POGLUT3: variants seen among roughly 807,000 people sequenced by gnomAD.
POGLUT3 encodes the protein KDEL (Lys-Asp-Glu-Leu) containing 2.
Under a neutral mutation model 54.3 loss-of-function variants are expected in POGLUT3, and 48 were observed. The observed-to-expected ratio is 0.88, with a 90% CI of 0.70 to 1.12. The LOEUF is 1.12. Among genes scored for constraint, POGLUT3 ranks in the 50% most tolerant of loss-of-function variants. The pLI is 0.00. For synonymous variants in POGLUT3, 218 were observed against 237.4 expected (o/e 0.92, Z 0.75); for missense variants, 629 against 618.7 (o/e 1.02, Z -0.18).
At position 108,479,378 on chromosome 11, in the gene POGLUT3, C is replaced by T. The variant is rs758382903; in HGVS notation, c.1216G>A (p.Ala406Thr). ...ACATAATGCTTCCAAGGTTCTAGTGCCATGTAGAAATGTTCATAATATGGC... is the reference window on the plus strand; with the variant it reads ...ACATAATGCTTCCAAGGTTCTAGTGTCATGTAGAAATGTTCATAATATGGC... ...DSPYYEHFYM[A>T]LEPWKHYVPI... Residue 406 changes from alanine to threonine, a missense_variant, in exon 6 of 8, where the codon GCA becomes ACA. By Grantham distance (58) the Ala-to-Thr change is moderately conservative. Transcript: ENST00000323468. 1 of 1,612,838 alleles carries T rather than the reference C, an allele frequency of 6.2e-7. No homozygotes were observed. Among genetic ancestry groups the T allele is most frequent in the African/African-American group, 1.3e-5 (1 of 74,996 alleles).
At chr11:108,485,370 T>C (rs1483173012) in intron 3 of POGLUT3, among the ~76,000 whole-genome samples, 1 of 152,164 alleles carries the variant, frequency 6.6e-6, no homozygotes, top group Non-Finnish European at 1.5e-5. Context: ...TGCATGCCTA[T>C]AGTCCCAGCT....
chr11:108,496,660 T>A (rs570467867), intron 1 of POGLUT3, among the ~76,000 whole-genome samples: 95 of 152,330 alleles, frequency 6.2e-4, no homozygotes, highest in African/African-American at 2.2e-3. Flanking sequence ...GTCTAACTGG[T>A]AGACACGTTA....
At chr11:108,484,119 G>C (rs2093598177) in intron 3 of POGLUT3, among the ~76,000 whole-genome samples, 1 of 152,110 alleles carries the variant, frequency 6.6e-6, no homozygotes, top group Non-Finnish European at 1.5e-5. Context: ...ACTGTAGGAT[G>C]CTTACCCACT....
intron 3 of POGLUT3, among the ~76,000 whole-genome samples, chr11:108,482,826 T>C (rs766835769): frequency 6.6e-6 from 1 of 152,138 alleles, no homozygotes; most frequent in African/African-American, 2.4e-5. Flanking sequence ...TAAGAATGAA[T>C]AGCTTCGATA....
rs144547645 is a variant in POGLUT3 at position 108,494,965 on chromosome 11, T to A, written c.202+3200A>T. On this transcript the variant is annotated intron_variant, in intron 1 of 7. Transcript: ENST00000323468. ...GAGTTTACTGAAAATAAAGATACAG[T>A]TCTTCCCCCCACCCAAGGACAAAGA... Among the ~76,000 whole-genome samples the A allele has an allele frequency of 7.9e-5, 12 of 152,294 alleles. 2 individuals carry two copies. The highest frequency in any genetic ancestry group is 2.9e-4 in the African/African-American group (12 of 41,560).
rs2093577326 is a variant in POGLUT3, at chr11:108,474,849, T to C, written c.1502A>G (p.Lys501Arg). 2 of 1,613,758 alleles carry C rather than the reference T, an allele frequency of 1.2e-6. No individual in the cohort carries two copies. The highest frequency in any genetic ancestry group is 1.7e-6 in the Non-Finnish European group (2 of 1,179,736). The change falls in exon 8 of 8, where the codon AAG (lysine) becomes AGG (arginine). Residue 501 changes from lysine to arginine, a missense_variant. Physicochemically the swap from Lys to Arg is conservative, Grantham distance 26. Transcript: ENST00000323468. ...STAICQCHRK[K>R]PSREEL ...GACTCAAAGTTCTTCTCTTGAAGGC[T>C]TTTTCCTGTGGCACTGGCAGATGGC...
At chr11:108,485,380 T>C (rs1303624871) in intron 3 of POGLUT3, among the ~76,000 whole-genome samples, 1 of 152,140 alleles carries the variant, frequency 6.6e-6, no homozygotes, top group East Asian at 1.9e-4. Flanking sequence ...TAGTCCCAGC[T>C]AGGATCAAGG....
chr11:108,495,448 A>C (rs1180436588), intron 1 of POGLUT3, among the ~76,000 whole-genome samples: 1 of 152,190 alleles, frequency 6.6e-6, no homozygotes, highest in Non-Finnish European at 1.5e-5. Context: ...TGAGATTACA[A>C]GGCATGAATA....
intron 3 of POGLUT3, among the ~76,000 whole-genome samples, chr11:108,483,411 A>G (rs993139806): frequency 1.1e-4 from 17 of 151,928 alleles, no homozygotes; most frequent in African/African-American, 3.9e-4. Flanking sequence ...TCTATGACTC[A>G]CCCTCCTCAG....
chr11:108,477,541 G>T, intron 7 of POGLUT3, 66 bp downstream of exon 7: 1 of 938,718 alleles, frequency 1.1e-6, no homozygotes, highest in Non-Finnish European at 1.7e-6. Flanking sequence ...GGCAGGAAGT[G>T]TACAGGCCAA....
chr11:108,482,086 G>A lies in POGLUT3; in HGVS notation c.821C>T (p.Pro274Leu), dbSNP rs1190006488. 5.0e-6 allele frequency: 8 copies of A among 1,613,952 alleles called. No individual in the cohort carries two copies. Among genetic ancestry groups the A allele is most frequent in the Non-Finnish European group, 5.9e-6 (7 of 1,179,992 alleles). ...CATGGAGTGGGTGATGTCATACGTT[G>A]GAAGGACAACATCTCTTGAATCCAG... ...GSLDSRDVVL[P>L]TYDITHSMLE... The change falls in exon 4 of 8, where the codon CCA (proline) becomes CTA (leucine). Residue 274 changes from proline (P) to leucine (L), a missense_variant. Physicochemically the swap from Pro to Leu is moderately conservative, Grantham distance 98. Transcript: ENST00000323468.
chr11:108,485,273 A>T (rs562710414), intron 3 of POGLUT3, among the ~76,000 whole-genome samples: 6 of 152,332 alleles, frequency 3.9e-5, no homozygotes, highest in Non-Finnish European at 7.3e-5. Context: ...TGAGGTGAAG[A>T]GAAGAAAACA....
intron 4 of POGLUT3, 75 bp from the exon 5 acceptor site, chr11:108,481,451 A>C (rs2093592413): frequency 2.6e-6 from 3 of 1,144,704 alleles, no homozygotes; most frequent in Non-Finnish European, 2.4e-6. Context: ...ATCCTCTTTA[A>C]TCTACCATTG....
intron 1 of POGLUT3, among the ~76,000 whole-genome samples, chr11:108,496,121 C>T (rs2093621869): frequency 6.6e-6 from 1 of 151,898 alleles, no homozygotes; most frequent in Non-Finnish European, 1.5e-5. Flanking sequence ...CAGCTCAGTG[C>T]CTGTTTTTGT....
intron 5 of POGLUT3, among the ~76,000 whole-genome samples, chr11:108,480,159 T>G (rs1266657661): frequency 1.3e-5 from 2 of 152,246 alleles, no homozygotes; most frequent in Admixed American, 1.3e-4. Context: ...TCAAAATTCT[T>G]AAAGCTCAAT....
chr11:108,498,042 G>A (rs1323252289), intron 1 of POGLUT3, 123 bp downstream of exon 1: 1 of 824,822 alleles, frequency 1.2e-6, no homozygotes. Flanking sequence ...GAGCTGACCA[G>A]ACCCAAAAAG....
chr11:108,489,635 A>C (rs1004376679), intron 2 of POGLUT3, among the ~76,000 whole-genome samples: 1 of 152,150 alleles, frequency 6.6e-6, no homozygotes, highest in African/African-American at 2.4e-5. Context: ...AACAAAGGCA[A>C]ACTAGGCCGG....
In POGLUT3 at chr11:108,475,463, G is replaced by GTTTTTTTTTTTT. The variant is rs367899085; in HGVS notation, c.1399-512_1399-511insAAAAAAAAAAAA. On this transcript the variant is annotated intron_variant, in intron 7 of 7. Transcript: ENST00000323468. ...TATTTCTATAAATGGAGTTTTTTTT[G>GTTTTTTTTTTTT]TTTTTGTTTTTTTTTTTTTTTGAGA... is the stretch of plus-strand genomic sequence containing the variant. Among the ~76,000 whole-genome samples, 304 of 109,870 alleles carry GTTTTTTTTTTTT rather than the reference G, an allele frequency of 2.8e-3. 15 individuals carry two copies. Among genetic ancestry groups the GTTTTTTTTTTTT allele is most frequent in the Middle Eastern group, 5.7e-3 (1 of 176 alleles). The allele number at this position is 109,870 out of a possible 152,430, so 72.1% of individuals were successfully genotyped here.
intron 7 of POGLUT3, 32 bp downstream of exon 7, chr11:108,477,575 C>T (rs1014213684): frequency 1.5e-6 from 2 of 1,373,064 alleles, no homozygotes; most frequent in Admixed American, 3.5e-5. Context: ...GGACACCCGA[C>T]CCAGCAGTGT....
Sources: allele counts gnomAD v4.1 joint callset (sites outside exome capture counted in the v4.1 genomes callset), GRCh38; gene constraint gnomAD v4.1.1; transcripts MANE v1.5; gene names NCBI Gene and HGNC (gene_info 2026-07-23, HGNC 2026-07-21).